GPR39: variants seen among roughly 807,000 people sequenced by gnomAD.
GPR39 encodes zinc sensing receptor.
GPR39 carries 23 observed loss-of-function variants against 18.4 expected under a neutral mutation model. The ratio of observed to expected loss-of-function variants is 1.25; its 90% CI spans 0.90 to 1.77. GPR39 has a LOEUF of 1.77. GPR39 is among the 40% of genes most tolerant of loss of function. The pLI, the probability that GPR39 is intolerant of heterozygous loss-of-function variation, is 0.00. For missense variants in GPR39, 647 were observed against 602.4 expected, an observed-to-expected ratio of 1.07 and a Z score of -0.78; for synonymous variants, 280 against 257.9, an observed-to-expected ratio of 1.09 and a Z score of -0.82.
At chr2:132,466,319 T>G (rs1680926585) in intron 1 of GPR39, among the ~76,000 whole-genome samples, 2 of 152,246 alleles carry the variant, frequency 1.3e-5, no homozygotes, top group Admixed American at 1.3e-4. Context: ...ATCACAACAT[T>G]TAAAAAGAAA....
chr2:132,554,005 C>T (rs1309740263), intron 1 of GPR39, among the ~76,000 whole-genome samples: 2 of 152,138 alleles, frequency 1.3e-5, no homozygotes, highest in African/African-American at 4.8e-5. Flanking sequence ...GGCAACAGAC[C>T]CCATGGAGAT....
chr2:132,642,970 A>G (rs776379215), intron 1 of GPR39, among the ~76,000 whole-genome samples: 2 of 152,238 alleles, frequency 1.3e-5, no homozygotes, highest in African/African-American at 4.8e-5. Flanking sequence ...GAGCCTCTCA[A>G]TCAGAGCTGG....
rs574106225 is a variant in GPR39, at chr2:132,557,598, AG to A, written c.857-87502del. The stretch of plus-strand genomic sequence containing the variant: ...GATTAGCTGAAAGAAAGGATGAGAG[AG>A]AGAGAGAGAGAGAGAGAGAGACCCA... On this transcript the variant is annotated intron_variant, in intron 1 of 1. Transcript: ENST00000329321. 1.4e-4 allele frequency among the ~76,000 whole-genome samples: 20 copies of A among 146,096 alleles called. No homozygotes were observed. In the South Asian group the frequency reaches 4.2e-3, roughly 31 times the overall value.
chr2:132,565,461 A>T (rs1680332767), intron 1 of GPR39, among the ~76,000 whole-genome samples: 1 of 149,680 alleles, frequency 6.7e-6, no homozygotes, highest in Non-Finnish European at 1.5e-5. Context: ...CAGGTTAGTT[A>T]CATATGTATA....
chr2:132,479,486 A>G (rs1453077150), intron 1 of GPR39, among the ~76,000 whole-genome samples: 1 of 152,240 alleles, frequency 6.6e-6, no homozygotes, highest in Non-Finnish European at 1.5e-5. Context: ...GGAATGAGAC[A>G]GTACGAAATA....
chr2:132,520,330 A>G (rs1434477007), intron 1 of GPR39, among the ~76,000 whole-genome samples: 1 of 152,250 alleles, frequency 6.6e-6, no homozygotes, highest in African/African-American at 2.4e-5. Flanking sequence ...ACCATCTGCC[A>G]TCTGCATAAC....
At chr2:132,557,083 AG>A (rs34244350) in intron 1 of GPR39, among the ~76,000 whole-genome samples, 29,507 of 151,272 alleles carry the variant, frequency 0.2, 3,464 homozygotes, top group East Asian at 0.59. Context: ...TGGGAGGCCA[AG>A]GGGGGGGGCA....
In GPR39 at chr2:132,645,727, A is replaced by G. The variant is rs1156739986; in HGVS notation, c.*121A>G. 8.0e-6 allele frequency: 11 copies of G among 1,369,296 alleles called. No homozygotes were observed. Among genetic ancestry groups the G allele is most frequent in the African/African-American group, 1.4e-5 (1 of 68,988 alleles). 84.8% of individuals were successfully genotyped at this position (1,369,296 alleles called of 1,614,324 possible). On this transcript the variant is annotated 3_prime_UTR_variant, in exon 2 of 2. Coordinates refer to ENST00000329321, the MANE Select transcript of GPR39 (RefSeq NM_001508.3). ...ATGGAATGGACACTGGAGGCTTTACAAAAGGCAGATGCCCACCTCAGTGAC... is the reference window on the plus strand; with the variant it reads ...ATGGAATGGACACTGGAGGCTTTACGAAAGGCAGATGCCCACCTCAGTGAC...
At chr2:132,580,995 A>C (rs1413916994) in intron 1 of GPR39, among the ~76,000 whole-genome samples, 2 of 151,660 alleles carry the variant, frequency 1.3e-5, no homozygotes, top group African/African-American at 2.4e-5. Flanking sequence ...CACCAAAAAA[A>C]AACAACAAAA....
intron 1 of GPR39, among the ~76,000 whole-genome samples, chr2:132,632,868 C>T (rs1681675778): frequency 6.6e-6 from 1 of 152,160 alleles, no homozygotes; most frequent in African/African-American, 2.4e-5. Context: ...ATCACTGCTG[C>T]TATGCTGAGT....
chr2:132,486,719 T>C (rs943172374), intron 1 of GPR39, among the ~76,000 whole-genome samples: 4 of 152,220 alleles, frequency 2.6e-5, no homozygotes, highest in African/African-American at 9.6e-5. Context: ...GATTAGGCTT[T>C]GGGTTAAGGG....
intron 1 of GPR39, among the ~76,000 whole-genome samples, chr2:132,561,072 C>T (rs1295352133): frequency 1.3e-5 from 2 of 150,702 alleles, no homozygotes; most frequent in East Asian, 1.9e-4. Context: ...TGCCACCATG[C>T]CTGGCTAAAT....
chr2:132,417,870 C>G lies in GPR39; in HGVS notation c.828C>G (p.Thr276=), dbSNP rs370796227. ...AGTCCGAGAGCGAAGAGAGCAGGAC[C>G]GCCAGGAGGCAGACCATCATCTTCC... ...LRKSESEESR[T]ARRQTIIFLR... The change falls in exon 1 of 2, where the codon ACC becomes ACG. Residue 276 remains threonine, a synonymous_variant. Transcript: ENST00000329321. 2.5e-6 allele frequency: 4 copies of G among 1,597,764 alleles called. No homozygotes were observed. Among genetic ancestry groups the G allele is most frequent in the African/African-American group, 1.3e-5 (1 of 74,770 alleles).
chr2:132,417,046 G>T lies in GPR39; in HGVS notation c.4G>T (p.Ala2Ser), dbSNP rs1679914488. MASPSLPGSDCS... is the reference protein window; with the variant it reads MSSPSLPGSDCS... ...TGGTAGCCTGGTGCTCTTTCTCATGGCTTCACCCAGCCTCCCGGGCAGTGA... is the reference window on the plus strand; with the variant it reads ...TGGTAGCCTGGTGCTCTTTCTCATGTCTTCACCCAGCCTCCCGGGCAGTGA... The change falls in exon 1 of 2, where the codon GCT becomes TCT. Residue 2 changes from alanine to serine, a missense_variant. Ala to Ser is a moderately conservative substitution (Grantham distance 99). Transcript: ENST00000329321. 1 of 1,612,968 alleles carries T rather than the reference G, an allele frequency of 6.2e-7. No individual in the cohort carries two copies. Among genetic ancestry groups the T allele is most frequent in the Non-Finnish European group, 8.5e-7 (1 of 1,179,164 alleles).
At chr2:132,534,042 A>T (rs1370593656) in intron 1 of GPR39, among the ~76,000 whole-genome samples, 2 of 152,210 alleles carry the variant, frequency 1.3e-5, no homozygotes, top group Admixed American at 1.3e-4. Context: ...AACTATCATC[A>T]GTGTGAACAG....
chr2:132,445,222 T>A (rs979976006), intron 1 of GPR39, among the ~76,000 whole-genome samples: 3 of 152,244 alleles, frequency 2.0e-5, no homozygotes, highest in African/African-American at 7.2e-5. Context: ...TTTTTTGTTT[T>A]AAATGTTACA....
chr2:132,477,075 G>A (rs1476486991), intron 1 of GPR39, among the ~76,000 whole-genome samples: 1 of 152,216 alleles, frequency 6.6e-6, no homozygotes, highest in Non-Finnish European at 1.5e-5. Flanking sequence ...TGATTCTCGA[G>A]ATGCTATCCC....
chr2:132,501,701 G>A (rs1044985310), intron 1 of GPR39, among the ~76,000 whole-genome samples: 2 of 152,002 alleles, frequency 1.3e-5, no homozygotes, highest in Admixed American at 6.6e-5. Flanking sequence ...TTATTGTGTT[G>A]CTATCTATCT....
chr2:132,603,271 G>A (rs910246820), intron 1 of GPR39, among the ~76,000 whole-genome samples: 13 of 152,028 alleles, frequency 8.6e-5, no homozygotes, highest in Admixed American at 7.2e-4. Flanking sequence ...GTGAAATATC[G>A]GGCACAGAAA....
Sources: gnomAD v4.1 joint callset for allele counts (sites outside exome capture counted in the v4.1 genomes callset) on GRCh38, gnomAD v4.1.1 for gene constraint, MANE v1.5 for transcripts, NCBI Gene and HGNC (gene_info 2026-07-23, HGNC 2026-07-21) for gene names.